RAB11FIP4: variants seen among roughly 807,000 people sequenced by gnomAD.
RAB11FIP4 encodes RAB11 family interacting protein 4, also known as rab11 family-interacting protein 4.
In RAB11FIP4, 23 loss-of-function variants were observed where a neutral mutation model predicts 74.3. The observed-to-expected ratio is 0.31, with a 90% CI of 0.22 to 0.44. The LOEUF (loss-of-function observed/expected upper bound fraction) is 0.44, where lower values mean the gene tolerates loss of function less well. RAB11FIP4 is among the 20% of genes least tolerant of loss of function. The pLI is 1.00. For synonymous variants in RAB11FIP4, 360 were observed against 359.9 expected (o/e 1.00, Z 0.00); for missense variants, 630 against 863.9 (o/e 0.73, Z 3.39).
intron 3 of RAB11FIP4, among the ~76,000 whole-genome samples, chr17:31,458,424 C>T (rs1315759307): frequency 6.6e-6 from 1 of 152,182 alleles, no homozygotes; most frequent in African/African-American, 2.4e-5. Flanking sequence ...TTCTCCCAGC[C>T]CCTTCCTGCT....
chr17:31,417,536 C>T (rs1394047879), intron 1 of RAB11FIP4, among the ~76,000 whole-genome samples: 1 of 152,318 alleles, frequency 6.6e-6, no homozygotes, highest in East Asian at 1.9e-4. Flanking sequence ...CCCTGAAACC[C>T]CTTTTGTGGA....
rs2071152152 is a variant in RAB11FIP4, at chr17:31,416,791, G to A, written c.160-15022G>A. 2.0e-5 allele frequency among the ~76,000 whole-genome samples: 3 copies of A among 152,120 alleles called. No homozygotes were observed. In the South Asian group the frequency reaches 6.2e-4, roughly 31 times the overall value. ...AACAGGGTCCACTGCTGTAAGAGGG[G>A]AATGACTGGCGGTTTGGCTACTTCA... On this transcript the variant is annotated intron_variant, in intron 1 of 14. Coordinates refer to ENST00000621161, the MANE Select transcript of RAB11FIP4 (RefSeq NM_032932.6).
At chr17:31,445,578 ATTTTTTTTTTTTTTTT>A (rs61393689) in intron 3 of RAB11FIP4, among the ~76,000 whole-genome samples, 1 of 16,298 alleles carries the variant, frequency 6.1e-5, no homozygotes, top group African/African-American at 2.3e-4. Flanking sequence ...ATATATATAT[ATTTTTTTTTTTTTTTT>A]TTTTTTTTTG....
intron 3 of RAB11FIP4, among the ~76,000 whole-genome samples, chr17:31,493,158 A>G (rs770298451): frequency 1.3e-5 from 2 of 152,190 alleles, no homozygotes; most frequent in South Asian, 4.1e-4. Context: ...AAGTTTTCCA[A>G]CTGTTGGTCA....
chr17:31,508,017 A>G (rs1453364007), intron 3 of RAB11FIP4, among the ~76,000 whole-genome samples: 1 of 152,074 alleles, frequency 6.6e-6, no homozygotes, highest in African/African-American at 2.4e-5. Context: ...TTGTAGAGAT[A>G]GGGTTTCACC....
At chr17:31,458,352 C>T (rs4327103) in intron 3 of RAB11FIP4, among the ~76,000 whole-genome samples, 128,986 of 152,192 alleles carry the variant, frequency 0.85, 55,059 homozygotes, top group Admixed American at 0.88. Flanking sequence ...GGACCATCTT[C>T]TACCCAGAGG....
chr17:31,511,454 G>A (rs1264381884), intron 3 of RAB11FIP4, among the ~76,000 whole-genome samples: 2 of 152,234 alleles, frequency 1.3e-5, no homozygotes, highest in Non-Finnish European at 2.9e-5. Flanking sequence ...AGGGTCCTGT[G>A]GCTGTGCTGT....
intron 3 of RAB11FIP4, among the ~76,000 whole-genome samples, chr17:31,440,874 G>A (rs988185022): frequency 6.6e-6 from 1 of 152,190 alleles, no homozygotes. Context: ...AATCCTGTAG[G>A]AGATCATATT....
intron 5 of RAB11FIP4, 79 bp downstream of exon 5, chr17:31,521,439 T>TG: frequency 2.3e-6 from 3 of 1,282,596 alleles, no homozygotes; most frequent in Non-Finnish European, 2.1e-6. Flanking sequence ...GGTGGGGGGG[T>TG]GCGAGTCCTG....
At chr17:31,462,771 G>A (rs2071645406) in intron 3 of RAB11FIP4, among the ~76,000 whole-genome samples, 1 of 152,060 alleles carries the variant, frequency 6.6e-6, no homozygotes, top group African/African-American at 2.4e-5. Flanking sequence ...AAAGTAGCTG[G>A]GATTATATGT....
Position 31,521,211 on chromosome 17 carries a change from A to C in RAB11FIP4, c.609A>C (p.Thr203=). ...TPSMTTSDLS[T]HSTTSLISNE... ...CCATGACGACCTCAGACCTTTCTACACACTCCACCACCTCGCTCATCAGCA... is the reference window on the plus strand; with the variant it reads ...CCATGACGACCTCAGACCTTTCTACCCACTCCACCACCTCGCTCATCAGCA... Residue 203 remains threonine (T), a synonymous_variant, in exon 5 of 15, where the codon ACA becomes ACC. Transcript: ENST00000621161. 1 of 1,613,110 alleles carries C rather than the reference A, an allele frequency of 6.2e-7. No homozygotes were observed. Among genetic ancestry groups the C allele is most frequent in the South Asian group, 1.1e-5 (1 of 90,964 alleles).
At chr17:31,416,147 G>C (rs973681614) in intron 1 of RAB11FIP4, among the ~76,000 whole-genome samples, 1 of 152,200 alleles carries the variant, frequency 6.6e-6, no homozygotes, top group African/African-American at 2.4e-5. Context: ...CTCTGGGGTT[G>C]CCTTCTTGAA....
chr17:31,470,467 C>T (rs2071726949), intron 3 of RAB11FIP4, among the ~76,000 whole-genome samples: 1 of 152,180 alleles, frequency 6.6e-6, no homozygotes, highest in African/African-American at 2.4e-5. Flanking sequence ...AGTAGGCAAG[C>T]AGGGAGAGCC....
At chr17:31,528,873 T>G in intron 13 of RAB11FIP4, 95 bp downstream of exon 13, 1 of 1,376,468 alleles carries the variant, frequency 7.3e-7, no homozygotes, top group Non-Finnish European at 9.8e-7. Context: ...AGCCCAGAGC[T>G]GTAGCAGCAC....
chr17:31,490,552 CT>C (rs564849390), intron 3 of RAB11FIP4, among the ~76,000 whole-genome samples: 195 of 144,866 alleles, frequency 1.3e-3, no homozygotes, highest in Admixed American at 1.5e-3. Flanking sequence ...AAGGAAGCAT[CT>C]TTTTTTTTTT....
chr17:31,466,610 T>C (rs1266777463), intron 3 of RAB11FIP4, among the ~76,000 whole-genome samples: 1 of 152,194 alleles, frequency 6.6e-6, no homozygotes, highest in Non-Finnish European at 1.5e-5. Flanking sequence ...AGTTCCTGCC[T>C]GGGCGTCTAC....
intron 3 of RAB11FIP4, among the ~76,000 whole-genome samples, chr17:31,468,667 A>G (rs2071709109): frequency 6.6e-6 from 1 of 152,134 alleles, no homozygotes; most frequent in Admixed American, 6.6e-5. Flanking sequence ...CATCTCTACT[A>G]AAAGTACAAA....
chr17:31,426,981 C>T lies in RAB11FIP4; in HGVS notation c.160-4832C>T, dbSNP rs933387381. 8.6e-5 allele frequency among the ~76,000 whole-genome samples: 13 copies of T among 151,136 alleles called. 1 individual carries two copies. Among genetic ancestry groups the T allele is most frequent in the African/African-American group, 2.4e-4 (10 of 41,034 alleles). ...TTTTTGTTTTTTGTTTGCTTTGAGA[C>T]GGAATCTTGCCCTGTCACCCAGGCT... On this transcript the variant is annotated intron_variant, in intron 1 of 14. Coordinates refer to ENST00000621161, the MANE Select transcript of RAB11FIP4 (RefSeq NM_032932.6).
chr17:31,399,643 G>T (rs1002817725), intron 1 of RAB11FIP4, among the ~76,000 whole-genome samples: 1 of 152,246 alleles, frequency 6.6e-6, no homozygotes, highest in Non-Finnish European at 1.5e-5. Context: ...AACCCGGGAG[G>T]CGGAGGTTGC....
Sources: allele counts gnomAD v4.1 joint callset (sites outside exome capture counted in the v4.1 genomes callset), GRCh38; gene constraint gnomAD v4.1.1; transcripts MANE v1.5; gene names NCBI Gene and HGNC (gene_info 2026-07-23, HGNC 2026-07-21).